The following OSBPL6 variants were observed in gnomAD, a reference collection of about 807,000 sequenced individuals.
The protein encoded by OSBPL6 is oxysterol-binding protein-related protein 6.
OSBPL6 carries 49 observed loss-of-function variants against 125.8 expected under a neutral mutation model. That is an observed-to-expected ratio of 0.39 (90% CI 0.31 to 0.49). The LOEUF (loss-of-function observed/expected upper bound fraction) is 0.49, where lower values mean the gene tolerates loss of function less well. OSBPL6 is among the 20% of genes least tolerant of loss of function. OSBPL6 has a pLI of 0.88. For synonymous variants in OSBPL6, 394 were observed against 391.8 expected (o/e 1.01, Z -0.07); for missense variants, 986 against 1,135.4 (o/e 0.87, Z 1.89).
chr2:178,199,786 G>A (rs1015492423), intron 1 of OSBPL6, among the ~76,000 whole-genome samples: 8 of 152,016 alleles, frequency 5.3e-5, no homozygotes, highest in Non-Finnish European at 1.0e-4. Context: ...ATTGTTTGCC[G>A]TTTGAAATGC....
At chr2:178,394,196 C>T (rs919177) in intron 23 of OSBPL6, 117 bp from the exon 24 acceptor site, 578,001 of 1,312,322 alleles carry the variant, frequency 0.44, 134,648 homozygotes, top group East Asian at 0.76. Flanking sequence ...AGACTCCGTC[C>T]GTTACTGTGC....
chr2:178,384,081 T>A lies in OSBPL6; in HGVS notation c.1918T>A (p.Tyr640Asn). 1 of 1,614,126 alleles carries A rather than the reference T, an allele frequency of 6.2e-7. No homozygotes were observed. The highest frequency in any genetic ancestry group is 8.5e-7 in the Non-Finnish European group (1 of 1,179,946). Residue 640 changes from tyrosine to asparagine, a missense_variant, in exon 18 of 25, where the codon TAT (tyrosine) becomes AAT (asparagine). By Grantham distance (143) the Tyr-to-Asn change is moderately radical (BLOSUM62 -2). Coordinates refer to ENST00000190611, the MANE Select transcript of OSBPL6 (RefSeq NM_032523.4). The stretch of plus-strand genomic sequence containing the variant: ...TGCAGTTTCAGGATACTGCTCCACC[T>A]ATTTCAGAGCAGGAAGTAAGCCATT... ...AFAVSGYCST[Y>N]FRAGSKPFNP... is the part of the protein sequence containing the mutation.
intron 12 of OSBPL6, among the ~76,000 whole-genome samples, chr2:178,360,570 TA>T (rs1258735956): frequency 4.6e-5 from 7 of 152,028 alleles, no homozygotes; most frequent in Non-Finnish European, 4.4e-5. Flanking sequence ...ACATACACAA[TA>T]AAAAAAATTT....
intron 19 of OSBPL6, among the ~76,000 whole-genome samples, chr2:178,386,015 A>G (rs12473789): frequency 0.24 from 35,954 of 152,224 alleles, 5,324 homozygotes; most frequent in East Asian, 0.43. Flanking sequence ...TTAAGTCAGA[A>G]TGTTACAAGC....
chr2:178,274,913 T>G (rs948703879), intron 1 of OSBPL6, among the ~76,000 whole-genome samples: 1 of 152,088 alleles, frequency 6.6e-6, no homozygotes, highest in Non-Finnish European at 1.5e-5. Flanking sequence ...TTTTTTTAAA[T>G]GAAAGACACA....
chr2:178,359,210 A>C (rs1455671654), intron 12 of OSBPL6, among the ~76,000 whole-genome samples: 2 of 152,208 alleles, frequency 1.3e-5, no homozygotes, highest in African/African-American at 4.8e-5. Context: ...TGTTTTTAAA[A>C]AGAAAACATA....
intron 13 of OSBPL6, among the ~76,000 whole-genome samples, chr2:178,365,001 C>G (rs1271110272): frequency 6.6e-6 from 1 of 152,064 alleles, no homozygotes; most frequent in East Asian, 1.9e-4. Flanking sequence ...ACAGGCGAAA[C>G]CCCATCTCTA....
At chr2:178,245,804 G>A (rs559642315) in intron 1 of OSBPL6, among the ~76,000 whole-genome samples, 1 of 152,142 alleles carries the variant, frequency 6.6e-6, no homozygotes, top group African/African-American at 2.4e-5. Flanking sequence ...CATGTTCAAG[G>A]GTGTACAGCT....
intron 1 of OSBPL6, among the ~76,000 whole-genome samples, chr2:178,277,952 A>G (rs552098844): frequency 8.5e-5 from 13 of 152,298 alleles, no homozygotes; most frequent in African/African-American, 1.7e-4. Context: ...GTGAAATTCA[A>G]TCTCTCACCA....
chr2:178,392,295 T>C (rs370906521), intron 22 of OSBPL6, 117 bp from the exon 23 acceptor site: 1 of 1,208,012 alleles, frequency 8.3e-7, no homozygotes. Flanking sequence ...ATCTATAATC[T>C]TGTGTTTATG....
At chr2:178,355,269 A>C (rs1691674847) in intron 12 of OSBPL6, among the ~76,000 whole-genome samples, 2 of 152,296 alleles carry the variant, frequency 1.3e-5, no homozygotes, top group Admixed American at 1.3e-4. Context: ...AGACACAAAA[A>C]AACCCTTCAA....
intron 11 of OSBPL6, among the ~76,000 whole-genome samples, chr2:178,346,322 G>T (rs1380735374): frequency 2.6e-5 from 4 of 152,180 alleles, no homozygotes; most frequent in African/African-American, 9.7e-5. Flanking sequence ...GCAACAGCAG[G>T]AGACTTTTCC....
chr2:178,244,782 A>G (rs541518550), intron 1 of OSBPL6, among the ~76,000 whole-genome samples: 100 of 152,348 alleles, frequency 6.6e-4, no homozygotes, highest in African/African-American at 2.2e-3. Context: ...GGAAAAAAGC[A>G]CTTACCTAGG....
chr2:178,230,383 A>C (rs919988542), intron 1 of OSBPL6: 2 of 152,184 alleles, frequency 1.3e-5, no homozygotes, highest in Non-Finnish European at 2.9e-5. Flanking sequence ...AGTTTGATTT[A>C]TTTTGCAACC....
chr2:178,394,784 T>C lies in OSBPL6; in HGVS notation c.2696+349T>C, dbSNP rs112802600. ...CCCACAAGATCATCCTGGCTTTTATTAGGATTTCATTTTATTTCTATCACA... is the reference window on the plus strand; with the variant it reads ...CCCACAAGATCATCCTGGCTTTTATCAGGATTTCATTTTATTTCTATCACA... On this transcript the variant is annotated intron_variant, in intron 24 of 24. Coordinates refer to ENST00000190611, the MANE Select transcript of OSBPL6 (RefSeq NM_032523.4). Among the ~76,000 whole-genome samples, 941 of 152,244 alleles carry C rather than the reference T, an allele frequency of 6.2e-3. 14 individuals are homozygous for C. Among genetic ancestry groups the C allele is most frequent in the African/African-American group, 0.022 (903 of 41,534 alleles).
intron 1 of OSBPL6, among the ~76,000 whole-genome samples, chr2:178,200,584 A>T (rs927537984): frequency 6.6e-6 from 1 of 151,752 alleles, no homozygotes; most frequent in Non-Finnish European, 1.5e-5. Flanking sequence ...CCCACAAATC[A>T]TGATGTAACT....
At chr2:178,395,335 T>C (rs2154121276) in intron 24 of OSBPL6, 116 bp from the exon 25 acceptor site, 1 of 638,056 alleles carries the variant, frequency 1.6e-6, no homozygotes, top group Non-Finnish European at 2.7e-6. Context: ...GCAGATAAGA[T>C]ACTAACTGGC....
At position 178,400,887 on chromosome 2, in the gene OSBPL6, C is replaced by T. The variant is rs965076782; in HGVS notation, c.*5328C>T. On this transcript the variant is annotated 3_prime_UTR_variant, in exon 25 of 25. Coordinates refer to ENST00000190611, the MANE Select transcript of OSBPL6 (RefSeq NM_032523.4). The stretch of plus-strand genomic sequence containing the variant: ...TATGCACCCTCCCCTTCCATTACCC[C>T]AGTATCCGCCATCAAGTAGTAACAT... 5.9e-5 allele frequency: 9 copies of T among 152,210 alleles called. No individual in the cohort carries two copies. Among genetic ancestry groups the T allele is most frequent in the African/African-American group, 1.9e-4 (8 of 41,438 alleles). 9.4% of individuals were successfully genotyped at this position (152,210 alleles called of 1,614,324 possible).
chr2:178,302,550 C>T (rs1452355276), intron 2 of OSBPL6, among the ~76,000 whole-genome samples: 1 of 152,050 alleles, frequency 6.6e-6, no homozygotes, highest in African/African-American at 2.4e-5. Flanking sequence ...TAAAGGGCAT[C>T]TCATTCAACT....
Sources: gnomAD v4.1 joint callset for allele counts (sites outside exome capture counted in the v4.1 genomes callset) on GRCh38, gnomAD v4.1.1 for gene constraint, MANE v1.5 for transcripts, NCBI Gene and HGNC (gene_info 2026-07-23, HGNC 2026-07-21) for gene names.